Variants in CEP83 observed in about 807,000 individuals in gnomAD.
CEP83 encodes centrosomal protein 83.
CEP83 carries 70 observed loss-of-function variants against 101.9 expected under a neutral mutation model. The ratio of observed to expected loss-of-function variants is 0.69; its 90% CI spans 0.57 to 0.84. The LOEUF is 0.84. Ranked by LOEUF, CEP83 falls within the 40% of genes least tolerant of loss-of-function variation. The pLI is 0.00. For missense variants in CEP83, 715 were observed against 787.2 expected, an observed-to-expected ratio of 0.91 and a Z score of 1.10; for synonymous variants, 264 against 267.9, an observed-to-expected ratio of 0.99 and a Z score of 0.14.
chr12:94,292,980 C>T, the CEP83 span, among the ~76,000 whole-genome samples: 7 of 152,204 alleles, frequency 4.6e-5, no homozygotes, highest in Non-Finnish European at 8.8e-5. Context: ...GAAGCCCTCT[C>T]CTGGCCTTTC....
rs1315523810 is a variant in CEP83, at chr12:94,420,384, A to ACAGT, written c.-101-7794_-101-7793insACTG. Among the ~76,000 whole-genome samples, 574 of 152,332 alleles carry ACAGT rather than the reference A, an allele frequency of 3.8e-3. 2 individuals carry two copies. The highest frequency in any genetic ancestry group is 0.013 in the African/African-American group (539 of 41,576). ...CAACTGAAACCTAGAAACAAATCCA[A>ACAGT]TGACCATCAACAGTTGAAGAAACGA... is the stretch of plus-strand genomic sequence containing the variant. On this transcript the variant is annotated intron_variant, in intron 2 of 16. Transcript: ENST00000397809.
chr12:94,295,868 A>C, the CEP83 span, among the ~76,000 whole-genome samples: 2 of 152,112 alleles, frequency 1.3e-5, no homozygotes, highest in African/African-American at 4.8e-5. Context: ...TGACCCACAC[A>C]GCTCTCCTCT....
At chr12:94,317,283 T>C (rs923862563) in intron 14 of CEP83, among the ~76,000 whole-genome samples, 1 of 152,014 alleles carries the variant, frequency 6.6e-6, no homozygotes, top group Non-Finnish European at 1.5e-5. Flanking sequence ...CCTGTAAATT[T>C]AAGTTCTTTA....
At chr12:94,370,108 G>C (rs2061227679) in intron 8 of CEP83, 72 bp from the exon 9 acceptor site, 1 of 841,558 alleles carries the variant, frequency 1.2e-6, no homozygotes, top group Non-Finnish European at 2.0e-6. Context: ...CAAAACATAA[G>C]TGGAAACAAG....
chr12:94,273,143 A>T, the CEP83 span, among the ~76,000 whole-genome samples: 1 of 152,372 alleles, frequency 6.6e-6, no homozygotes, highest in South Asian at 2.1e-4. Context: ...GGATTGAATG[A>T]ACCTATAATT....
chr12:94,367,989 T>C, intron 10 of CEP83, 46 bp from the exon 11 acceptor site: 1 of 1,605,692 alleles, frequency 6.2e-7, no homozygotes. Context: ...ATAATAAAGA[T>C]GATATGACAG....
At chr12:94,397,479 C>A (rs1336686153) in intron 6 of CEP83, among the ~76,000 whole-genome samples, 1 of 149,210 alleles carries the variant, frequency 6.7e-6, no homozygotes, top group African/African-American at 2.5e-5. Flanking sequence ...GCCTGGGCGA[C>A]AGAGCAAGAC....
At position 94,308,145 on chromosome 12, in the gene CEP83, T is replaced by A. The variant is rs1007435270; in HGVS notation, c.*668A>T. Reference sequence around the variant, plus strand: ...AAGGACCTGAGTTCAAGTTTTATAATCAATGGCCCCCTTGTTAATACAGCC... The same window carrying A: ...AAGGACCTGAGTTCAAGTTTTATAAACAATGGCCCCCTTGTTAATACAGCC... On this transcript the variant is annotated 3_prime_UTR_variant, in exon 17 of 17. Transcript: ENST00000397809. The A allele has an allele frequency of 3.3e-5, 5 of 152,196 alleles. No individual in the cohort carries two copies. The highest frequency in any genetic ancestry group is 7.4e-5 in the Non-Finnish European group (5 of 68,026). 9.4% of individuals were successfully genotyped at this position (152,196 alleles called of 1,614,324 possible).
intron 14 of CEP83, among the ~76,000 whole-genome samples, chr12:94,323,137 T>C (rs867498022): frequency 2.0e-5 from 3 of 152,068 alleles, no homozygotes; most frequent in Non-Finnish European, 2.9e-5. Flanking sequence ...CAAGGTGCCA[T>C]GGTAGTGGGG....
At chr12:94,343,174 C>T (rs906296359) in intron 11 of CEP83, among the ~76,000 whole-genome samples, 2 of 151,572 alleles carry the variant, frequency 1.3e-5, no homozygotes, top group East Asian at 1.9e-4. Flanking sequence ...CATGTGTTTA[C>T]GTAACACAAT....
intron 11 of CEP83, among the ~76,000 whole-genome samples, chr12:94,361,943 C>T (rs2060785473): frequency 6.6e-6 from 1 of 152,082 alleles, no homozygotes; most frequent in Non-Finnish European, 1.5e-5. Flanking sequence ...TCAGGTGATC[C>T]ACCCGCCTTG....
chr12:94,266,336 G>A, the CEP83 span, among the ~76,000 whole-genome samples: 3 of 152,142 alleles, frequency 2.0e-5, no homozygotes, highest in Admixed American at 1.3e-4. Context: ...ATCCGAGAGC[G>A]GGAAGCTGAG....
At chr12:94,400,404 T>C (rs761051924) in intron 6 of CEP83, among the ~76,000 whole-genome samples, 19 of 152,182 alleles carry the variant, frequency 1.2e-4, no homozygotes, top group Admixed American at 3.3e-4. Context: ...TTTCTTGAAG[T>C]TGATGGGTAC....
At chr12:94,414,822 T>G (rs2064147638) in intron 2 of CEP83, among the ~76,000 whole-genome samples, 1 of 152,188 alleles carries the variant, frequency 6.6e-6, no homozygotes, top group Admixed American at 6.5e-5. Context: ...AATACATTTT[T>G]AAAGATTATA....
the CEP83 span, among the ~76,000 whole-genome samples, chr12:94,300,277 G>A: frequency 3.9e-5 from 6 of 152,186 alleles, no homozygotes; most frequent in Non-Finnish European, 7.3e-5. Context: ...TAGGTGATCT[G>A]AGAAGGCCTC....
At chr12:94,357,761 A>G (rs1239890555) in intron 11 of CEP83, among the ~76,000 whole-genome samples, 2 of 152,244 alleles carry the variant, frequency 1.3e-5, no homozygotes, top group African/African-American at 4.8e-5. Context: ...AAAGGTGTAC[A>G]AATACATACA....
rs767362608 is a variant in CEP83, at chr12:94,368,052, C to A, written c.1193+5G>T. 6.2e-7 allele frequency: 1 copy of A among 1,611,762 alleles called. No individual in the cohort carries two copies. The highest frequency in any genetic ancestry group is 1.7e-5 in the Admixed American group (1 of 59,820). On this transcript the variant is annotated splice_donor_5th_base_variant and intron_variant, in intron 10 of 16. Coordinates refer to ENST00000397809, the MANE Select transcript of CEP83 (RefSeq NM_016122.3). ...TAAGTCAAACTAAGGTAATTAAGTA[C>A]TTACTTTTCATCTTGTAATACCACA...
chr12:94,453,267 A>T (rs889264023), intron 1 of CEP83, among the ~76,000 whole-genome samples: 3 of 152,124 alleles, frequency 2.0e-5, no homozygotes, highest in African/African-American at 7.2e-5. Flanking sequence ...ACTACCACTA[A>T]CGTTGATGAC....
At chr12:94,356,133 G>T (rs552575831) in intron 11 of CEP83, among the ~76,000 whole-genome samples, 3 of 152,278 alleles carry the variant, frequency 2.0e-5, no homozygotes, top group African/African-American at 7.2e-5. Context: ...GCGACGGCTG[G>T]GAACAGAAAA....
Sources: allele counts gnomAD v4.1 joint callset (sites outside exome capture counted in the v4.1 genomes callset), GRCh38; gene constraint gnomAD v4.1.1; transcripts MANE v1.5; gene names NCBI Gene and HGNC (gene_info 2026-07-23, HGNC 2026-07-21).